Variants in FER1L6 observed in about 807,000 individuals in gnomAD.
The protein encoded by FER1L6 is fer-1-like protein 6.
Under a neutral mutation model 219.2 loss-of-function variants are expected in FER1L6, and 177 were observed. The observed-to-expected ratio is 0.81, with a 90% CI of 0.71 to 0.91. The LOEUF is 0.91. Among genes scored for constraint, FER1L6 ranks in the 40% least tolerant of loss-of-function variants. FER1L6 has a pLI of 0.00. For synonymous variants in FER1L6, 768 were observed against 824.3 expected (o/e 0.93, Z 1.17); for missense variants, 2,153 against 2,259.9 (o/e 0.95, Z 0.96).
chr8:124,018,772 C>G (rs1191538340), intron 16 of FER1L6, among the ~76,000 whole-genome samples: 1 of 152,214 alleles, frequency 6.6e-6, no homozygotes, highest in African/African-American at 2.4e-5. Flanking sequence ...CTGAGCCCAT[C>G]ACCTTATCTC....
At position 123,891,660 on chromosome 8, in the gene FER1L6, A is replaced by T. The variant is rs974891779; in HGVS notation, c.-8+39475A>T. ...AATAATAGGACTTTTTGTAGTATCAATATTCCATTAACAAATCCTTGTGCT... is the reference window on the plus strand; with the variant it reads ...AATAATAGGACTTTTTGTAGTATCATTATTCCATTAACAAATCCTTGTGCT... On this transcript the variant is annotated intron_variant, in intron 1 of 40. Coordinates refer to ENST00000522917, the MANE Select transcript of FER1L6 (RefSeq NM_001039112.2). 5.9e-5 allele frequency among the ~76,000 whole-genome samples: 9 copies of T among 152,356 alleles called. No individual in the cohort carries two copies. The East Asian group carries it at 1.3e-3, about 23-fold the overall frequency.
intron 13 of FER1L6, 52 bp from the exon 14 acceptor site, chr8:124,010,542 G>A: frequency 6.2e-7 from 1 of 1,603,282 alleles, no homozygotes; most frequent in South Asian, 1.1e-5. Flanking sequence ...GACTGGGGTT[G>A]CCTGGAAAAC....
At chr8:123,960,182 G>A (rs1326580348) in intron 2 of FER1L6, among the ~76,000 whole-genome samples, 1 of 152,164 alleles carries the variant, frequency 6.6e-6, no homozygotes, top group South Asian at 2.1e-4. Flanking sequence ...ATCAAAGAAC[G>A]AGAAAGTGGA....
In FER1L6 at chr8:124,095,040, T is replaced by C. The variant is rs1395503111; in HGVS notation, c.4695+2T>C. ...AAGGATAAGCCAGGAATGGAGCAGG[T>C]AGTGGGCAAGACTATTCTGGCCCTA... On this transcript the variant is annotated splice_donor_variant, in intron 35 of 40. Transcript: ENST00000522917. LOFTEE classifies it high-confidence loss of function. 1 of 1,613,986 alleles carries C rather than the reference T, an allele frequency of 6.2e-7. No homozygotes were observed. Among genetic ancestry groups the C allele is most frequent in the Admixed American group, 1.7e-5 (1 of 60,016 alleles).
chr8:124,026,504 G>GGA (rs925167303), intron 18 of FER1L6, among the ~76,000 whole-genome samples: 10 of 152,178 alleles, frequency 6.6e-5, no homozygotes, highest in African/African-American at 1.2e-4. Context: ...GGGAGGTATA[G>GGA]GAGAGAGAGA....
intron 5 of FER1L6, among the ~76,000 whole-genome samples, chr8:123,967,691 C>T (rs1815617107): frequency 6.6e-6 from 1 of 152,224 alleles, no homozygotes; most frequent in African/African-American, 2.4e-5. Context: ...GATGCAGTGG[C>T]TCACACCTGT....
At chr8:123,939,786 G>A (rs146550654) in intron 1 of FER1L6, among the ~76,000 whole-genome samples, 1 of 152,230 alleles carries the variant, frequency 6.6e-6, no homozygotes, top group African/African-American at 2.4e-5. Context: ...GAGATTGAGC[G>A]GCATACTTTC....
intron 5 of FER1L6, 140 bp from the exon 6 acceptor site, chr8:123,969,895 A>C: frequency 1.6e-6 from 1 of 621,586 alleles, no homozygotes; most frequent in African/African-American, 1.9e-5. Context: ...AAGAGAATTG[A>C]CAATTGACAA....
rs1047171843 is a variant in FER1L6, at chr8:123,852,697, T to C, written c.-8+512T>C. Among the ~76,000 whole-genome samples, 43 of 152,212 alleles carry C rather than the reference T, an allele frequency of 2.8e-4. No individual in the cohort carries two copies. Among genetic ancestry groups the C allele is most frequent in the African/African-American group, 9.9e-4 (41 of 41,450 alleles). On this transcript the variant is annotated intron_variant, in intron 1 of 40. Transcript: ENST00000522917. The surrounding 1 kb of genome is among the most constrained non-coding windows in gnomAD (Gnocchi z 4.9). Reference sequence around the variant, plus strand: ...AAAAGTTGCAAAGATAATTGAGTTCTCTTAAATTTCTCACTCAGTTTTCCC... The same window carrying C: ...AAAAGTTGCAAAGATAATTGAGTTCCCTTAAATTTCTCACTCAGTTTTCCC...
In FER1L6 at chr8:124,091,531, GATAGGA is replaced by G; in HGVS notation, c.4502_4507del (p.Ile1501_Gly1502del). Reference sequence around the variant, plus strand: ...CCTACTTTCACCCTGGGAAAATACAGATAGGAAACCAAGTCTTTTCTGGAAAAACTA... The same window carrying G: ...CCTACTTTCACCCTGGGAAAATACAGAACCAAGTCTTTTCTGGAAAAACTA... On this transcript the variant is annotated inframe_deletion, in exon 34 of 41. Transcript: ENST00000522917. 1 of 1,614,018 alleles carries G rather than the reference GATAGGA, an allele frequency of 6.2e-7. No homozygotes were observed. The highest frequency in any genetic ancestry group is 8.5e-7 in the Non-Finnish European group (1 of 1,179,914).
At chr8:123,921,886 G>C (rs1813374539) in intron 1 of FER1L6, among the ~76,000 whole-genome samples, 1 of 152,158 alleles carries the variant, frequency 6.6e-6, no homozygotes, top group Non-Finnish European at 1.5e-5. Context: ...CAAGCCGCTT[G>C]TAACGTGCCA....
At chr8:123,936,283 G>A (rs994194621) in intron 1 of FER1L6, among the ~76,000 whole-genome samples, 4 of 152,142 alleles carry the variant, frequency 2.6e-5, no homozygotes, top group East Asian at 1.9e-4. Flanking sequence ...CAAGTTCAAC[G>A]AGAAGGCTAA....
At chr8:124,008,419 T>C (rs79513218) in intron 13 of FER1L6, among the ~76,000 whole-genome samples, 5,553 of 152,358 alleles carry the variant, frequency 0.036, 223 homozygotes, top group East Asian at 0.11. Context: ...TGCGTGTGCA[T>C]ATCTTTTTTG....
At chr8:124,062,109 C>T in intron 25 of FER1L6, 77 bp downstream of exon 25, 1 of 1,497,444 alleles carries the variant, frequency 6.7e-7, no homozygotes, top group Non-Finnish European at 9.2e-7. Flanking sequence ...GTGGGATTGG[C>T]TCAAAGAGGA....
At chr8:123,887,143 T>G (rs1486366895) in intron 1 of FER1L6, among the ~76,000 whole-genome samples, 2 of 152,162 alleles carry the variant, frequency 1.3e-5, no homozygotes, top group Non-Finnish European at 2.9e-5. Flanking sequence ...TTACGTTTCT[T>G]CCCTGCTACG....
In FER1L6 at chr8:124,056,027, T is replaced by C. The variant is rs934044509; in HGVS notation, c.2875-4153T>C. ...TTATCACATCTCTTCCTACTCTGAC[T>C]CTCCTGCTGCTGCCTCATAAGGACC... On this transcript the variant is annotated intron_variant, in intron 22 of 40. Coordinates refer to ENST00000522917, the MANE Select transcript of FER1L6 (RefSeq NM_001039112.2). Among the ~76,000 whole-genome samples the C allele has an allele frequency of 3.7e-4, 56 of 152,058 alleles. 2 individuals are homozygous for C. The highest frequency in any genetic ancestry group is 3.3e-4 in the Admixed American group (5 of 15,260).
chr8:123,856,300 A>G lies in FER1L6; in HGVS notation c.-8+4115A>G, dbSNP rs9772833. On this transcript the variant is annotated intron_variant, in intron 1 of 40. Transcript: ENST00000522917. The stretch of plus-strand genomic sequence containing the variant: ...TGTATATATGTGTGTGTGTATATAT[A>G]TATATATATGTATGTGTATATATAT... 7.0e-4 allele frequency among the ~76,000 whole-genome samples: 49 copies of G among 70,430 alleles called. 1 individual carries two copies. The highest frequency in any genetic ancestry group is 2.8e-3 in the African/African-American group (48 of 17,240). 46.2% of individuals were successfully genotyped at this position (70,430 alleles called of 152,430 possible). A position where few individuals can be genotyped will look rare whatever the true frequency, so the allele number is the denominator to read the frequency against.
chr8:123,902,967 T>C (rs1312678195), intron 1 of FER1L6, among the ~76,000 whole-genome samples: 14 of 152,242 alleles, frequency 9.2e-5, no homozygotes, highest in Non-Finnish European at 1.9e-4. Flanking sequence ...GATTTAGAGC[T>C]CTTTTTAGCA....
In FER1L6 at chr8:123,951,212, C is replaced by G. The variant is rs901532878; in HGVS notation, c.-7-4780C>G. 3.9e-5 allele frequency among the ~76,000 whole-genome samples: 6 copies of G among 152,262 alleles called. No homozygotes were observed. In the South Asian group the frequency reaches 8.3e-4, roughly 21 times the overall value. ...CCAGGGGAGCTCAAAAACCACCGAG[C>G]CTTTGTCCCATCACTGACCAATGAA... On this transcript the variant is annotated intron_variant, in intron 1 of 40. Transcript: ENST00000522917.
Sources: allele counts gnomAD v4.1 joint callset (sites outside exome capture counted in the v4.1 genomes callset), GRCh38; gene constraint gnomAD v4.1.1; non-coding constraint Gnocchi (gnomAD v3.1); transcripts MANE v1.5; gene names NCBI Gene and HGNC (gene_info 2026-07-23, HGNC 2026-07-21).